PAXBP1: variants seen among roughly 807,000 people sequenced by gnomAD.
PAXBP1 encodes PAX3- and PAX7-binding protein 1.
PAXBP1 carries 44 observed loss-of-function variants against 119.9 expected under a neutral mutation model. The observed-to-expected ratio is 0.37, with a 90% CI of 0.29 to 0.47. The LOEUF (loss-of-function observed/expected upper bound fraction) is 0.47, where lower values mean the gene tolerates loss of function less well. Among genes scored for constraint, PAXBP1 ranks in the 20% least tolerant of loss-of-function variants. The pLI is 0.99. For missense variants in PAXBP1, 898 were observed against 1,134.1 expected (o/e 0.79, Z 2.99); for synonymous variants, 393 against 406.6 (o/e 0.97, Z 0.40).
Position 32,743,719 on chromosome 21 carries a change from T to G in PAXBP1, c.2226A>C (p.Arg742Ser). Residue 742 changes from arginine (R) to serine (S), a missense_variant, in exon 14 of 18, where the codon AGA (arginine) becomes AGC (serine). By Grantham distance (110) the Arg-to-Ser change is moderately radical. Coordinates refer to ENST00000331923, the MANE Select transcript of PAXBP1 (RefSeq NM_016631.4). ...GCATAAATACATCATCATCTAAAGTTCTTCTCATTCTCAATAAAAGTGCCT... is the reference window on the plus strand; with the variant it reads ...GCATAAATACATCATCATCTAAAGTGCTTCTCATTCTCAATAAAAGTGCCT... Reference protein sequence around the residue: ...YLKALLLRMRRTLDDDVFMPL... With the variant: ...YLKALLLRMRSTLDDDVFMPL... The G allele has an allele frequency of 1.9e-6, 3 of 1,595,148 alleles. No homozygotes were observed.
Position 32,771,543 on chromosome 21 carries a change from C to T in PAXBP1, c.126G>A (p.Ala42=). 4.3e-6 allele frequency: 6 copies of T among 1,386,938 alleles called. No individual in the cohort carries two copies. The South Asian group carries it at 9.3e-5, about 22-fold the overall frequency. The allele number at this position is 1,386,938 out of a possible 1,614,324, so 85.9% of individuals were successfully genotyped here. ...GGGCCCTGTCGCCGCCACCGGGGCCCGCCTCTTCGCCCGTGCCCGGCGGCG... is the reference window on the plus strand; with the variant it reads ...GGGCCCTGTCGCCGCCACCGGGGCCTGCCTCTTCGCCCGTGCCCGGCGGCG... ...LLPPPGTGEE[A]GPGGGDRAPG... is the part of the protein sequence containing the mutation. The change falls in exon 1 of 18, where the codon GCG becomes GCA. Residue 42 remains alanine, a synonymous_variant. Transcript: ENST00000331923.
Position 32,745,598 on chromosome 21 carries a change from T to G in PAXBP1, c.2044A>C (p.Lys682Gln). The stretch of plus-strand genomic sequence containing the variant: ...CCTGTTAGTTTAGGAAGAATCACCT[T>G]TTCCACAATGGTAGGTAGTAGGGCA... ...DVALLPTIVE[K>Q]VILPKLTVIA... is the part of the protein sequence containing the mutation. The change falls in exon 12 of 18, where the codon AAG (lysine) becomes CAG (glutamine). Residue 682 changes from lysine (K) to glutamine (Q), a missense_variant. Around this residue, in one of 2 missense-constraint regions of PAXBP1, gnomAD observed 599 missense variants for 852.7 expected, o/e 0.70. Coordinates refer to ENST00000331923, the MANE Select transcript of PAXBP1 (RefSeq NM_016631.4). The G allele has an allele frequency of 6.2e-7, 1 of 1,614,044 alleles. No homozygotes were observed. The highest frequency in any genetic ancestry group is 1.7e-5 in the Admixed American group (1 of 60,018).
Position 32,738,224 on chromosome 21 carries a change from C to T in PAXBP1, c.2430G>A (p.Met810Ile). 6.2e-7 allele frequency: 1 copy of T among 1,601,070 alleles called. No homozygotes were observed. Among genetic ancestry groups the T allele is most frequent in the Non-Finnish European group, 8.5e-7 (1 of 1,176,382 alleles). The change falls in exon 16 of 18, where the codon ATG becomes ATA. Residue 810 changes from methionine to isoleucine, a missense_variant. Physicochemically the swap from Met to Ile is conservative, Grantham distance 10 (BLOSUM62 1). Around this residue, in one of 2 missense-constraint regions of PAXBP1, gnomAD observed 599 missense variants for 852.7 expected, o/e 0.70. Coordinates refer to ENST00000331923, the MANE Select transcript of PAXBP1 (RefSeq NM_016631.4). ...IDGLLNRYIL[M>I]AFQNSEYGDD... Reference sequence around the variant, plus strand: ...CTCCATATTCTGAATTCTGAAAAGCCATGAGAATATATCGATTTAATAAAC... The same window carrying T: ...CTCCATATTCTGAATTCTGAAAAGCTATGAGAATATATCGATTTAATAAAC...
intron 17 of PAXBP1, 23 bp downstream of exon 17, chr21:32,737,231 C>T: frequency 3.4e-6 from 5 of 1,478,380 alleles, no homozygotes; most frequent in African/African-American, 1.4e-5. Context: ...TCTAGATTAC[C>T]ATTTCATTAA....
intron 16 of PAXBP1, among the ~76,000 whole-genome samples, chr21:32,737,895 C>A (rs2043715981): frequency 6.6e-6 from 1 of 151,972 alleles, no homozygotes; most frequent in South Asian, 2.1e-4. Context: ...ATTCTGAAAT[C>A]AAAACTTTTA....
intron 17 of PAXBP1, 118 bp downstream of exon 17, chr21:32,737,133 TATA>T: frequency 1.2e-6 from 1 of 851,108 alleles, no homozygotes; most frequent in East Asian, 3.1e-5. Context: ...TTGGTAGGTT[TATA>T]ATACTAAGTG....
At chr21:32,737,444 G>A (rs1275243741) in intron 16 of PAXBP1, 36 bp from the exon 17 acceptor site, 1 of 1,551,576 alleles carries the variant, frequency 6.4e-7, no homozygotes, top group Non-Finnish European at 8.7e-7. Context: ...AAATAGTTAA[G>A]ACAGAATAAA....
At chr21:32,746,052 T>C (rs550825974) in intron 11 of PAXBP1, among the ~76,000 whole-genome samples, 54 of 152,256 alleles carry the variant, frequency 3.5e-4, no homozygotes, top group Middle Eastern at 6.8e-3. Flanking sequence ...GTTGGGAGAA[T>C]TGGCTAGCCA....
intron 2 of PAXBP1, among the ~76,000 whole-genome samples, chr21:32,764,882 G>A (rs2044214712): frequency 6.6e-6 from 1 of 152,168 alleles, no homozygotes; most frequent in Non-Finnish European, 1.5e-5. Context: ...GGAACTGCTT[G>A]TACCTCTTTC....
intron 16 of PAXBP1, among the ~76,000 whole-genome samples, chr21:32,737,921 A>T (rs1197974943): frequency 2.0e-5 from 3 of 152,222 alleles, no homozygotes; most frequent in Non-Finnish European, 4.4e-5. Context: ...ACCTATAAAA[A>T]TATCAAAACT....
At chr21:32,761,383 T>C (rs919702347) in intron 4 of PAXBP1, among the ~76,000 whole-genome samples, 3 of 152,248 alleles carry the variant, frequency 2.0e-5, no homozygotes, top group African/African-American at 7.2e-5. Flanking sequence ...GTTAAAATCT[T>C]GGATGTGTTT....
chr21:32,762,502 G>C (rs932186768), intron 3 of PAXBP1, among the ~76,000 whole-genome samples, 185 bp from the exon 4 acceptor site: 8 of 152,180 alleles, frequency 5.3e-5, no homozygotes, highest in African/African-American at 1.9e-4. Flanking sequence ...GAATATAAAA[G>C]TCACTGAGGA....
intron 13 of PAXBP1, among the ~76,000 whole-genome samples, chr21:32,744,260 T>TAAAAAAAAAAAAAAA: frequency 1.7e-5 from 1 of 57,586 alleles, no homozygotes; most frequent in Non-Finnish European, 3.5e-5. Context: ...GCTGATGAGC[T>TAAAAAAAAAAAAAAA]AAAAAAAAAA....
chr21:32,759,805 C>G lies in PAXBP1; in HGVS notation c.1165G>C (p.Asp389His), dbSNP rs202233285. 1.7e-5 allele frequency: 27 copies of G among 1,613,866 alleles called. No homozygotes were observed. The highest frequency in any genetic ancestry group is 2.3e-5 in the Non-Finnish European group (27 of 1,179,814). Residue 389 changes from aspartate (D) to histidine (H), a missense_variant, in exon 6 of 18, where the codon GAT (aspartate) becomes CAT (histidine). By Grantham distance (81) the Asp-to-His change is moderately conservative. Coordinates refer to ENST00000331923, the MANE Select transcript of PAXBP1 (RefSeq NM_016631.4). ...PSNEMTPVTIDLVKKQLKDRL... is the reference protein window; with the variant it reads ...PSNEMTPVTIHLVKKQLKDRL... ...TCTTTAAGCTGTTTCTTTACCAAAT[C>G]AATAGTAACGGGAGTCATCTCATTA...
rs372725852 is a variant in PAXBP1 at position 32,734,945 on chromosome 21, T to G, written c.*5A>C. The G allele has an allele frequency of 6.2e-7, 1 of 1,603,180 alleles. No homozygotes were observed. ...CAAGCAAATAGGTTTTTCAGTCTCA[T>G]AGATCTATTTTCCTTCGATCAAAGA... On this transcript the variant is annotated 3_prime_UTR_variant, in exon 18 of 18. Transcript: ENST00000331923.
chr21:32,750,818 A>C (rs189688363), intron 10 of PAXBP1, 99 bp downstream of exon 10: 1 of 859,118 alleles, frequency 1.2e-6, no homozygotes, highest in East Asian at 2.5e-5. Flanking sequence ...TCTGGTTCTA[A>C]TGCAGAGACC....
intron 8 of PAXBP1, 47 bp from the exon 9 acceptor site, chr21:32,751,265 T>C: frequency 6.3e-7 from 1 of 1,574,860 alleles, no homozygotes; most frequent in Non-Finnish European, 8.7e-7. Flanking sequence ...TTCAACAATC[T>C]TGAGGAAAGA....
intron 8 of PAXBP1, 145 bp from the exon 9 acceptor site, chr21:32,751,363 G>C (rs1165371547): frequency 8.1e-6 from 5 of 614,888 alleles, no homozygotes; most frequent in Non-Finnish European, 1.4e-5. Context: ...GTAGGTTTTT[G>C]GTTTAGAACA....
At chr21:32,770,629 T>C (rs1204860782) in intron 1 of PAXBP1, among the ~76,000 whole-genome samples, 2 of 152,198 alleles carry the variant, frequency 1.3e-5, no homozygotes, top group Non-Finnish European at 2.9e-5. Context: ...GAAGAAAAGA[T>C]TTAAGGCTCA....
Sources: allele counts gnomAD v4.1 joint callset (sites outside exome capture counted in the v4.1 genomes callset), GRCh38; gene constraint gnomAD v4.1.1; regional missense constraint gnomAD v4.1.1; transcripts MANE v1.5; gene names NCBI Gene and HGNC (gene_info 2026-07-23, HGNC 2026-07-21).